SPAG16: variants seen among roughly 807,000 people sequenced by gnomAD.
SPAG16 encodes the protein sperm-associated antigen 16 protein.
Under a neutral mutation model 80.4 loss-of-function variants are expected in SPAG16, and 86 were observed. That is an observed-to-expected ratio of 1.07 (90% CI 0.90 to 1.28). The LOEUF is 1.28. Ranked by LOEUF, SPAG16 falls within the 50% of genes most tolerant of loss-of-function variation. The pLI is 0.00. For synonymous variants in SPAG16, 294 were observed against 265.9 expected (o/e 1.11, Z -1.03); for missense variants, 870 against 765.3 (o/e 1.14, Z -1.61).
intron 15 of SPAG16, among the ~76,000 whole-genome samples, chr2:214,310,520 A>G (rs548739784): frequency 1.3e-5 from 2 of 152,216 alleles, no homozygotes; most frequent in African/African-American, 2.4e-5. Context: ...TTTGGTCTCC[A>G]GTAGGTGGTG....
chr2:214,292,508 T>TC (rs1393655447), intron 15 of SPAG16, among the ~76,000 whole-genome samples: 2 of 152,154 alleles, frequency 1.3e-5, no homozygotes, highest in East Asian at 3.8e-4. Flanking sequence ...TATTTCTGAT[T>TC]TTTTTTAAAT....
intron 15 of SPAG16, among the ~76,000 whole-genome samples, chr2:214,371,142 A>T (rs1040444756): frequency 1.3e-5 from 2 of 152,144 alleles, no homozygotes; most frequent in Non-Finnish European, 2.9e-5. Context: ...ATGTAGACTA[A>T]CGTTGAGGAC....
At chr2:213,992,452 G>T (rs1466482179) in intron 12 of SPAG16, among the ~76,000 whole-genome samples, 20 of 151,712 alleles carry the variant, frequency 1.3e-4, no homozygotes, top group Admixed American at 1.3e-3. Flanking sequence ...CACATTTTTT[G>T]ATATATATTA....
chr2:213,931,606 T>C (rs1394091368), intron 12 of SPAG16, among the ~76,000 whole-genome samples: 1 of 152,160 alleles, frequency 6.6e-6, no homozygotes, highest in East Asian at 1.9e-4. Context: ...CTACCCAGGG[T>C]GTTTAAAAGC....
At chr2:213,363,226 A>G (rs1403006955) in intron 7 of SPAG16, among the ~76,000 whole-genome samples, 2 of 152,182 alleles carry the variant, frequency 1.3e-5, no homozygotes, top group Non-Finnish European at 2.9e-5. Context: ...TCAGTACTAC[A>G]TTAGCAACTC....
intron 10 of SPAG16, among the ~76,000 whole-genome samples, chr2:213,833,871 C>G (rs1294940461): frequency 6.6e-6 from 1 of 151,536 alleles, no homozygotes; most frequent in Non-Finnish European, 1.5e-5. Context: ...CCTCTCCCAT[C>G]ACAGGGTCAT....
intron 15 of SPAG16, among the ~76,000 whole-genome samples, chr2:214,241,696 T>C (rs990940564): frequency 2.0e-5 from 3 of 152,204 alleles, no homozygotes; most frequent in Non-Finnish European, 2.9e-5. Context: ...ATAGAATTCA[T>C]TAACTAAAGT....
chr2:214,361,061 T>G (rs994036346), intron 15 of SPAG16, among the ~76,000 whole-genome samples: 1 of 151,796 alleles, frequency 6.6e-6, no homozygotes, highest in African/African-American at 2.4e-5. Flanking sequence ...ACAAGATATG[T>G]GGAGAAGGGA....
intron 12 of SPAG16, among the ~76,000 whole-genome samples, chr2:213,982,288 T>C (rs1307063471): frequency 1.3e-5 from 2 of 152,046 alleles, no homozygotes; most frequent in African/African-American, 4.8e-5. Context: ...TAATGAGCAA[T>C]TAAAAAACTC....
At chr2:213,869,246 T>C (rs2075834687) in intron 11 of SPAG16, among the ~76,000 whole-genome samples, 1 of 87,970 alleles carries the variant, frequency 1.1e-5, no homozygotes. Context: ...AGAGCTAAAG[T>C]CCATGTCAAA....
intron 10 of SPAG16, among the ~76,000 whole-genome samples, chr2:213,508,668 C>CA (rs1303593493): frequency 9.2e-5 from 14 of 151,512 alleles, no homozygotes; most frequent in African/African-American, 2.4e-5. Flanking sequence ...GTCGCAAGGA[C>CA]AAAAAACCGA....
chr2:213,583,113 G>A (rs1409985289), intron 10 of SPAG16, among the ~76,000 whole-genome samples: 2 of 152,036 alleles, frequency 1.3e-5, no homozygotes, highest in African/African-American at 2.4e-5. Context: ...ATAAAGTAGA[G>A]CATCTTAAAA....
At chr2:214,146,534 C>G (rs1393125938) in intron 14 of SPAG16, among the ~76,000 whole-genome samples, 3 of 152,122 alleles carry the variant, frequency 2.0e-5, no homozygotes, top group African/African-American at 7.2e-5. Context: ...GGAAGCATTA[C>G]TCATCTATCA....
At chr2:213,586,971 T>A (rs2060496495) in intron 10 of SPAG16, among the ~76,000 whole-genome samples, 1 of 152,214 alleles carries the variant, frequency 6.6e-6, no homozygotes, top group Non-Finnish European at 1.5e-5. Context: ...AGTGTCTCTG[T>A]GCCTGAGCCT....
chr2:214,109,988 AT>A (rs1455296891), intron 14 of SPAG16, among the ~76,000 whole-genome samples: 1 of 152,184 alleles, frequency 6.6e-6, no homozygotes, highest in Non-Finnish European at 1.5e-5. Flanking sequence ...AAAAGACAGC[AT>A]TTTACATTCT....
intron 13 of SPAG16, among the ~76,000 whole-genome samples, chr2:214,107,144 C>T (rs1446881678): frequency 6.6e-6 from 1 of 152,056 alleles, no homozygotes; most frequent in East Asian, 1.9e-4. Flanking sequence ...AAAATTCCTA[C>T]TATTACTAAC....
At chr2:213,921,402 C>A (rs1325906796) in intron 11 of SPAG16, among the ~76,000 whole-genome samples, 1 of 151,996 alleles carries the variant, frequency 6.6e-6, no homozygotes, top group Non-Finnish European at 1.5e-5. Flanking sequence ...TTCCCCATTC[C>A]TTTATTTTGA....
intron 15 of SPAG16, among the ~76,000 whole-genome samples, chr2:214,336,442 A>G (rs1697294710): frequency 6.6e-6 from 1 of 152,212 alleles, no homozygotes; most frequent in East Asian, 1.9e-4. Context: ...TAACACAAGT[A>G]TAGACATGTC....
chr2:213,654,903 T>C (rs78701851), intron 10 of SPAG16, among the ~76,000 whole-genome samples: 9,182 of 152,228 alleles, frequency 0.06, 897 homozygotes, highest in African/African-American at 0.21. Flanking sequence ...GTTTAAACGG[T>C]GAATGATACT....
Sources: gnomAD v4.1 joint callset for allele counts (sites outside exome capture counted in the v4.1 genomes callset) on GRCh38, gnomAD v4.1.1 for gene constraint, MANE v1.5 for transcripts, NCBI Gene and HGNC (gene_info 2026-07-23, HGNC 2026-07-21) for gene names.